NRXN3: variants seen among roughly 807,000 people sequenced by gnomAD.
NRXN3 encodes the protein neurexin 3.
NRXN3 carries 32 observed loss-of-function variants against 137.6 expected under a neutral mutation model. The observed-to-expected ratio is 0.23, with a 90% CI of 0.18 to 0.31. NRXN3 has a LOEUF of 0.31. Ranked by LOEUF, NRXN3 falls within the 10% of genes least tolerant of loss-of-function variation. NRXN3 has a pLI of 1.00. For missense variants in NRXN3, 1,574 were observed against 2,062.5 expected (o/e 0.76, Z 4.59); for synonymous variants, 798 against 784.5 (o/e 1.02, Z -0.29).
At chr14:79,797,577 G>C (rs1254784855) in intron 19 of NRXN3, among the ~76,000 whole-genome samples, 1 of 152,114 alleles carries the variant, frequency 6.6e-6, no homozygotes, top group Non-Finnish European at 1.5e-5. Context: ...TGTTTCATTT[G>C]ATCATAACAA....
intron 16 of NRXN3, among the ~76,000 whole-genome samples, chr14:79,659,498 T>C (rs1307985475): frequency 1.3e-5 from 2 of 152,148 alleles, no homozygotes; most frequent in Non-Finnish European, 2.9e-5. Context: ...TTTGCTAAAA[T>C]TTACATTTAT....
chr14:79,056,704 G>A, intron 15 of NRXN3, among the ~76,000 whole-genome samples: 1 of 152,098 alleles, frequency 6.6e-6, no homozygotes, highest in Non-Finnish European at 1.5e-5. Flanking sequence ...AAGTATACTG[G>A]GGAATTTTCA....
chr14:78,253,311 T>A (rs543546227), intron 2 of NRXN3, among the ~76,000 whole-genome samples: 2 of 152,310 alleles, frequency 1.3e-5, no homozygotes, highest in South Asian at 4.1e-4. Context: ...AAGACATTTA[T>A]TATAATGTAT....
At chr14:78,739,583 T>A (rs1165387083) in intron 8 of NRXN3, among the ~76,000 whole-genome samples, 1 of 152,210 alleles carries the variant, frequency 6.6e-6, no homozygotes, top group African/African-American at 2.4e-5. Flanking sequence ...GCGATTCTCC[T>A]GCTTCAGCCT....
intron 19 of NRXN3, among the ~76,000 whole-genome samples, chr14:79,762,528 A>G (rs1048147698): frequency 1.3e-5 from 2 of 151,442 alleles, no homozygotes; most frequent in African/African-American, 4.9e-5. Context: ...AATGAGTTAA[A>G]TGTTGATGCT....
chr14:79,686,161 A>G (rs565830122), intron 17 of NRXN3, among the ~76,000 whole-genome samples: 103 of 152,098 alleles, frequency 6.8e-4, no homozygotes, highest in African/African-American at 2.4e-3. Flanking sequence ...GTGCATGCCC[A>G]TAGTCCCAGC....
chr14:78,613,720 A>G (rs182373102), intron 4 of NRXN3, among the ~76,000 whole-genome samples: 13 of 151,592 alleles, frequency 8.6e-5, no homozygotes, highest in Non-Finnish European at 1.8e-4. Flanking sequence ...TCAAATCTTC[A>G]TTGAGTGAGA....
intron 4 of NRXN3, among the ~76,000 whole-genome samples, chr14:78,528,047 A>G (rs2096405742): frequency 6.6e-6 from 1 of 152,210 alleles, no homozygotes. Context: ...GCCCTGTATA[A>G]ATATTAAACT....
At chr14:79,264,552 G>GTGTGTGTGTGTT (rs2078154014) in intron 15 of NRXN3, among the ~76,000 whole-genome samples, 1 of 151,854 alleles carries the variant, frequency 6.6e-6, no homozygotes, top group Non-Finnish European at 1.5e-5. Flanking sequence ...GTGTGTGTGT[G>GTGTGTGTGTGTT]TGTGTGCGCG....
In NRXN3 at chr14:79,307,326, A is replaced by G. The variant is rs187715589; in HGVS notation, c.3263-159895A>G. Among the ~76,000 whole-genome samples, 437 of 152,202 alleles carry G rather than the reference A, an allele frequency of 2.9e-3. 4 individuals carry two copies. Among genetic ancestry groups the G allele is most frequent in the African/African-American group, 9.9e-3 (413 of 41,542 alleles). Reference sequence around the variant, plus strand: ...AAGGTTTTAACCATCATATTCTACCACCTTCATAATACCTTTAGTTACTTT... The same window carrying G: ...AAGGTTTTAACCATCATATTCTACCGCCTTCATAATACCTTTAGTTACTTT... On this transcript the variant is annotated intron_variant, in intron 15 of 20. Transcript: ENST00000335750.
chr14:79,139,212 G>A (rs2058554395), intron 15 of NRXN3, among the ~76,000 whole-genome samples: 1 of 152,154 alleles, frequency 6.6e-6, no homozygotes, highest in African/African-American at 2.4e-5. Flanking sequence ...GTGATGACTG[G>A]TCTCCATGAA....
chr14:78,669,010 ATCAG>A (rs1256030869), intron 6 of NRXN3, among the ~76,000 whole-genome samples: 2 of 152,124 alleles, frequency 1.3e-5, no homozygotes, highest in Admixed American at 6.5e-5. Flanking sequence ...AGATAGATAG[ATCAG>A]TCAAAGTTTT....
intron 4 of NRXN3, among the ~76,000 whole-genome samples, chr14:78,623,118 G>C (rs2097422182): frequency 6.6e-6 from 1 of 152,190 alleles, no homozygotes; most frequent in Admixed American, 6.5e-5. Flanking sequence ...TCTAAGGAAG[G>C]TTGAGATTCT....
chr14:79,067,617 T>G (rs2099682408), intron 15 of NRXN3, among the ~76,000 whole-genome samples: 1 of 152,068 alleles, frequency 6.6e-6, no homozygotes, highest in African/African-American at 2.4e-5. Context: ...GTTGGTAGGC[T>G]ATTCTCTACT....
At chr14:79,583,604 TTTTC>T (rs1457230901) in intron 16 of NRXN3, among the ~76,000 whole-genome samples, 1 of 152,198 alleles carries the variant, frequency 6.6e-6, no homozygotes, top group Non-Finnish European at 1.5e-5. Context: ...TGTTCCCTTC[TTTTC>T]TATGAACTTA....
intron 10 of NRXN3, among the ~76,000 whole-genome samples, chr14:78,862,939 T>A (rs1020527989): frequency 1.3e-5 from 2 of 152,198 alleles, no homozygotes; most frequent in Admixed American, 1.3e-4. Flanking sequence ...TCTGGATTAA[T>A]GCTTATATGA....
intron 16 of NRXN3, among the ~76,000 whole-genome samples, chr14:79,610,628 G>A (rs2098087121): frequency 6.6e-6 from 1 of 152,174 alleles, no homozygotes; most frequent in South Asian, 2.1e-4. Context: ...ACTTACAGGT[G>A]CTTCATCAAT....
At chr14:79,799,752 C>G (rs913966519) in intron 19 of NRXN3, among the ~76,000 whole-genome samples, 4 of 152,204 alleles carry the variant, frequency 2.6e-5, no homozygotes, top group Non-Finnish European at 4.4e-5. Flanking sequence ...CCCACATGCT[C>G]TCTGCCTTCT....
At chr14:78,681,133 G>A (rs1160359158) in intron 6 of NRXN3, among the ~76,000 whole-genome samples, 2 of 152,166 alleles carry the variant, frequency 1.3e-5, no homozygotes, top group Admixed American at 1.3e-4. Context: ...TTCTTTCTAT[G>A]ACACAGTCTT....
Sources: gnomAD v4.1 joint callset for allele counts (sites outside exome capture counted in the v4.1 genomes callset) on GRCh38, gnomAD v4.1.1 for gene constraint, MANE v1.5 for transcripts, NCBI Gene and HGNC (gene_info 2026-07-23, HGNC 2026-07-21) for gene names.